Variants in GRIK1 observed in about 807,000 individuals in gnomAD.
The protein encoded by GRIK1 is glutamate receptor ionotropic, kainate 1.
Under a neutral mutation model 105.7 loss-of-function variants are expected in GRIK1, and 69 were observed. The observed-to-expected ratio is 0.65, with a 90% CI of 0.54 to 0.80. The LOEUF (loss-of-function observed/expected upper bound fraction) is 0.80, where lower values mean the gene tolerates loss of function less well. GRIK1 is among the 30% of genes least tolerant of loss of function. The probability of loss-of-function intolerance (pLI) is 0.00; values close to 1 mark genes in which losing one functional copy is unlikely to be tolerated. For missense variants in GRIK1, 1,109 were observed against 1,167.3 expected, an observed-to-expected ratio of 0.95 and a Z score of 0.73; for synonymous variants, 438 against 431.3, an observed-to-expected ratio of 1.02 and a Z score of -0.19.
At chr21:29,757,403 C>T (rs2065377980) in intron 1 of GRIK1, among the ~76,000 whole-genome samples, 1 of 152,290 alleles carries the variant, frequency 6.6e-6, no homozygotes, top group Middle Eastern at 3.4e-3. Flanking sequence ...AATGGCCAAC[C>T]TCCAGATTTA....
intron 1 of GRIK1, among the ~76,000 whole-genome samples, chr21:29,696,277 A>G (rs1269209308): frequency 6.6e-6 from 1 of 152,220 alleles, no homozygotes; most frequent in East Asian, 1.9e-4. Flanking sequence ...TACACCTACT[A>G]TGTACCCACA....
intron 1 of GRIK1, among the ~76,000 whole-genome samples, chr21:29,927,931 T>C (rs942889886): frequency 6.6e-6 from 1 of 151,990 alleles, no homozygotes; most frequent in Non-Finnish European, 1.5e-5. Context: ...TATACATATA[T>C]ATACACACAT....
At chr21:29,684,565 T>A (rs1182877718) in intron 3 of GRIK1, among the ~76,000 whole-genome samples, 7 of 152,050 alleles carry the variant, frequency 4.6e-5, no homozygotes. Flanking sequence ...TGGAGTGCAG[T>A]GGTGCGATCT....
chr21:29,848,747 T>TTGTGTG (rs143185091), intron 1 of GRIK1, among the ~76,000 whole-genome samples: 5,780 of 78,384 alleles, frequency 0.074, 256 homozygotes, highest in African/African-American at 0.087. Flanking sequence ...ATAGACCAAG[T>TTGTGTG]TGTGTGTGTA....
intron 4 of GRIK1, among the ~76,000 whole-genome samples, chr21:29,672,547 T>C (rs1211088141): frequency 6.6e-6 from 1 of 152,226 alleles, no homozygotes; most frequent in African/African-American, 2.4e-5. Flanking sequence ...ATACCTTTTT[T>C]ATTGTGTTTG....
chr21:29,627,494 C>T (rs1229251831), intron 7 of GRIK1, among the ~76,000 whole-genome samples: 2 of 152,154 alleles, frequency 1.3e-5, no homozygotes, highest in African/African-American at 4.8e-5. Context: ...TCCCGTGCCC[C>T]ACACCATCAC....
At chr21:29,801,206 C>A (rs1214082881) in intron 1 of GRIK1, among the ~76,000 whole-genome samples, 1 of 151,786 alleles carries the variant, frequency 6.6e-6, no homozygotes, top group African/African-American at 2.4e-5. Flanking sequence ...CTCCCATACA[C>A]GCAGGCTATT....
chr21:29,847,149 A>G (rs1476203133), intron 1 of GRIK1, among the ~76,000 whole-genome samples: 3 of 151,192 alleles, frequency 2.0e-5, no homozygotes, highest in African/African-American at 7.4e-5. Flanking sequence ...GGCTTGCTAG[A>G]GGTATAATTC....
chr21:29,852,838 G>T (rs747804285), intron 1 of GRIK1, among the ~76,000 whole-genome samples: 18 of 152,186 alleles, frequency 1.2e-4, no homozygotes, highest in Non-Finnish European at 2.2e-4. Context: ...TTGCAGTAGG[G>T]ATATATTTTT....
rs566023862 is a variant in GRIK1, at chr21:29,578,506, C to T, written c.1913-1325G>A. 3.3e-5 allele frequency among the ~76,000 whole-genome samples: 5 copies of T among 152,230 alleles called. No individual in the cohort carries two copies. In the South Asian group the frequency reaches 6.2e-4, roughly 19 times the overall value. On this transcript the variant is annotated intron_variant, in intron 13 of 17. Coordinates refer to ENST00000327783, the MANE Select transcript of GRIK1 (RefSeq NM_001330994.2). Reference sequence around the variant, plus strand: ...AGGCCAGTGATAATCAGATCAAGGTCGCCAGAGTTTCTGGGCTTTGAATTA... The same window carrying T: ...AGGCCAGTGATAATCAGATCAAGGTTGCCAGAGTTTCTGGGCTTTGAATTA...
In GRIK1 at chr21:29,751,195, A is replaced by T. The variant is rs145173343; in HGVS notation, c.119-57132T>A. 7.9e-3 allele frequency among the ~76,000 whole-genome samples: 1,200 copies of T among 152,296 alleles called. 14 individuals are homozygous for T. The highest frequency in any genetic ancestry group is 0.027 in the African/African-American group (1,125 of 41,542). On this transcript the variant is annotated intron_variant, in intron 1 of 17. Coordinates refer to ENST00000327783, the MANE Select transcript of GRIK1 (RefSeq NM_001330994.2). ...GATGTATACGTGCAGGTCACAGGGG[A>T]TATGATGGCTTAGCTTGGGCTCAGA...
intron 1 of GRIK1, among the ~76,000 whole-genome samples, chr21:29,845,764 C>G (rs909056430): frequency 6.6e-6 from 1 of 151,986 alleles, no homozygotes; most frequent in African/African-American, 2.4e-5. Context: ...CATATTGGAT[C>G]CTTTGAGATT....
intron 1 of GRIK1, among the ~76,000 whole-genome samples, chr21:29,807,226 A>G (rs945574796): frequency 3.3e-5 from 5 of 152,152 alleles, no homozygotes; most frequent in African/African-American, 7.2e-5. Context: ...TGGAGAGCCA[A>G]TGATGTATGA....
chr21:29,693,697 A>G (rs1439452063), intron 2 of GRIK1, among the ~76,000 whole-genome samples, 199 bp downstream of exon 2: 1 of 152,198 alleles, frequency 6.6e-6, no homozygotes, highest in African/African-American at 2.4e-5. Flanking sequence ...GCTCATCAGA[A>G]AGGCCCAGAA....
At chr21:29,541,553 T>C (rs16984348) in intron 16 of GRIK1, among the ~76,000 whole-genome samples, 12,372 of 147,276 alleles carry the variant, frequency 0.084, 903 homozygotes, top group African/African-American at 0.18. Context: ...TTTAACTCTA[T>C]GCCATTCATT....
At chr21:29,654,910 A>T (rs988920161) in intron 4 of GRIK1, 47 bp from the exon 5 acceptor site, 4 of 1,098,154 alleles carry the variant, frequency 3.6e-6, no homozygotes, top group Admixed American at 1.7e-5. Flanking sequence ...GAATTATAAT[A>T]AGAATGGGAT....
chr21:29,901,471 C>T (rs190684757), intron 1 of GRIK1, among the ~76,000 whole-genome samples: 98 of 152,066 alleles, frequency 6.4e-4, no homozygotes, highest in African/African-American at 1.7e-3. Context: ...ATATCACCAC[C>T]GATCCCACAG....
At chr21:29,582,292 T>G (rs1032978632) in intron 12 of GRIK1, 13 of 465,840 alleles carry the variant, frequency 2.8e-5, no homozygotes, top group South Asian at 1.7e-4. Context: ...CCTTTTGATT[T>G]GTTTTAAATT....
chr21:29,755,084 T>C (rs2065301564), intron 1 of GRIK1, among the ~76,000 whole-genome samples: 1 of 152,320 alleles, frequency 6.6e-6, no homozygotes, highest in African/African-American at 2.4e-5. Flanking sequence ...AATTTGAGGG[T>C]TCATATTTGA....
Sources: gnomAD v4.1 joint callset for allele counts (sites outside exome capture counted in the v4.1 genomes callset) on GRCh38, gnomAD v4.1.1 for gene constraint, MANE v1.5 for transcripts, NCBI Gene and HGNC (gene_info 2026-07-23, HGNC 2026-07-21) for gene names.